Variants in POTEG observed in about 807,000 individuals in gnomAD.
The protein encoded by POTEG is ANKRD26-like family C member 2.
A neutral mutation model predicts 49.6 loss-of-function variants in POTEG; 2 were observed. The observed-to-expected ratio is 0.04, with a 90% CI of 0.02 to 0.13. The LOEUF is 0.13. Ranked by LOEUF, POTEG falls within the 10% of genes least tolerant of loss-of-function variation. The probability of loss-of-function intolerance (pLI) is 1.00; values close to 1 mark genes in which losing one functional copy is unlikely to be tolerated. For missense variants in POTEG, 26 were observed against 545.2 expected, an observed-to-expected ratio of 0.05 and a Z score of 9.48; for synonymous variants, 7 against 186.6, an observed-to-expected ratio of 0.04 and a Z score of 7.84.
intron 8 of POTEG, among the ~76,000 whole-genome samples, chr14:19,414,301 T>G (rs1254116325): frequency 6.9e-6 from 1 of 144,888 alleles, no homozygotes; most frequent in African/African-American, 2.5e-5. Context: ...ATAAAATTAT[T>G]GATCCAAAGC....
chr14:19,415,430 G>GT (rs1449460536), intron 7 of POTEG, among the ~76,000 whole-genome samples: 1 of 145,430 alleles, frequency 6.9e-6, no homozygotes, highest in Non-Finnish European at 1.6e-5. Flanking sequence ...CACAACCTTA[G>GT]TATCAGTGAC....
At chr14:19,419,728 G>A (rs1883677609) in intron 6 of POTEG, among the ~76,000 whole-genome samples, 1 of 104,386 alleles carries the variant, frequency 9.6e-6, no homozygotes, top group Non-Finnish European at 1.9e-5. Flanking sequence ...GCCCTTGCAT[G>A]CTTCTAAGTT....
intron 9 of POTEG, among the ~76,000 whole-genome samples, chr14:19,406,636 G>A (rs1883301639): frequency 2.1e-5 from 3 of 141,856 alleles, no homozygotes; most frequent in East Asian, 2.1e-4. Context: ...ATAATCATCA[G>A]AGTAAACCAA....
At chr14:19,419,852 C>G (rs1376177258) in intron 6 of POTEG, among the ~76,000 whole-genome samples, 1 of 130,462 alleles carries the variant, frequency 7.7e-6, no homozygotes, top group African/African-American at 3.2e-5. Context: ...CTGTTTTAGC[C>G]ACCGCTCATC....
At chr14:19,414,968 G>T (rs1883493673) in intron 7 of POTEG, among the ~76,000 whole-genome samples, 3 of 139,990 alleles carry the variant, frequency 2.1e-5, no homozygotes. Flanking sequence ...ATCATTTGTA[G>T]TGTTGCAAAA....
chr14:19,432,466 A>G (rs1419447364), intron 1 of POTEG, among the ~76,000 whole-genome samples: 3 of 120,298 alleles, frequency 2.5e-5, no homozygotes, highest in East Asian at 2.3e-4. Context: ...ATACATATAT[A>G]CATATATATA....
At chr14:19,407,210 TAAAG>T (rs1883326664) in intron 9 of POTEG, among the ~76,000 whole-genome samples, 1 of 148,554 alleles carries the variant, frequency 6.7e-6, no homozygotes, top group Non-Finnish European at 1.5e-5. Context: ...ATGAATGGAA[TAAAG>T]AAAATGGAGA....
At chr14:19,432,311 G>A (rs1444881432) in intron 1 of POTEG, among the ~76,000 whole-genome samples, 4 of 79,646 alleles carry the variant, frequency 5.0e-5, no homozygotes, top group African/African-American at 2.0e-4. Flanking sequence ...TCGCACCACT[G>A]CACTCCAGCC....
chr14:19,415,021 A>G (rs1329881089), intron 7 of POTEG, among the ~76,000 whole-genome samples: 1 of 144,600 alleles, frequency 6.9e-6, no homozygotes, highest in Non-Finnish European at 1.6e-5. Flanking sequence ...AACCCTAACT[A>G]GTGAGCCCCC....
At chr14:19,415,488 T>G (rs1208165631) in intron 7 of POTEG, among the ~76,000 whole-genome samples, 1 of 147,672 alleles carries the variant, frequency 6.8e-6, no homozygotes, top group East Asian at 1.9e-4. Context: ...TGATTACTCT[T>G]TAACCATGAA....
chr14:19,430,703 A>G (rs1202879595), intron 1 of POTEG, among the ~76,000 whole-genome samples: 10 of 126,756 alleles, frequency 7.9e-5, no homozygotes, highest in African/African-American at 2.5e-4. Context: ...AAAACAATGG[A>G]TGAACACAGC....
intron 6 of POTEG, chr14:19,421,004 GT>G (rs1883741336): frequency 7.3e-6 from 1 of 136,258 alleles, no homozygotes; most frequent in African/African-American, 2.7e-5. Context: ...GTGCTTCAGT[GT>G]TCTTTTGTGA....
At chr14:19,415,228 T>A (rs1883506365) in intron 7 of POTEG, among the ~76,000 whole-genome samples, 1 of 142,878 alleles carries the variant, frequency 7.0e-6, no homozygotes, top group Admixed American at 7.0e-5. Context: ...TTCTAATATG[T>A]ACTAATGACA....
chr14:19,414,437 AT>A (rs1883466819), intron 8 of POTEG, 124 bp downstream of exon 8: 1 of 769,732 alleles, frequency 1.3e-6, no homozygotes, highest in African/African-American at 1.8e-5. Flanking sequence ...TAAGTATTAA[AT>A]TTTTCACTGA....
intron 8 of POTEG, among the ~76,000 whole-genome samples, chr14:19,414,227 C>A (rs1883457795): frequency 7.3e-6 from 1 of 136,482 alleles, no homozygotes; most frequent in Non-Finnish European, 1.6e-5. Flanking sequence ...GGAAAATACA[C>A]AGAATAAAAA....
At chr14:19,432,391 TA>T (rs1566383213) in intron 1 of POTEG, among the ~76,000 whole-genome samples, 1 of 92,418 alleles carries the variant, frequency 1.1e-5, no homozygotes, top group Non-Finnish European at 2.4e-5. Context: ...TATATATATA[TA>T]TATATATATA....
rs1473898846 is a variant in POTEG at position 19,414,499 on chromosome 14, CT to C, written c.1242+62del. ...ATCACGTATGCCTACACTTACTACACTTTGTTAAACAACATAATGTAAAAAT... is the reference window on the plus strand; with the variant it reads ...ATCACGTATGCCTACACTTACTACACTTGTTAAACAACATAATGTAAAAAT... On this transcript the variant is annotated intron_variant, in intron 8 of 10. Coordinates refer to ENST00000547848, the MANE Select transcript of POTEG (RefSeq NM_001005356.3). The C allele has an allele frequency of 3.8e-6, 6 of 1,577,368 alleles. No homozygotes were observed. The East Asian group carries it at 1.4e-4, about 37-fold the overall frequency.
chr14:19,430,932 C>T (rs1884111703), intron 1 of POTEG, among the ~76,000 whole-genome samples: 1 of 149,256 alleles, frequency 6.7e-6, no homozygotes, highest in South Asian at 2.1e-4. Flanking sequence ...TAAACACAAT[C>T]CCTCTACTTC....
chr14:19,430,612 GA>G (rs1884097146), intron 1 of POTEG, among the ~76,000 whole-genome samples: 1 of 120,920 alleles, frequency 8.3e-6, no homozygotes, highest in Admixed American at 8.3e-5. Context: ...TGTTTTCAAA[GA>G]TGGAAGGATC....
Sources: gnomAD v4.1 joint callset for allele counts (sites outside exome capture counted in the v4.1 genomes callset) on GRCh38, gnomAD v4.1.1 for gene constraint, MANE v1.5 for transcripts, NCBI Gene and HGNC (gene_info 2026-07-23, HGNC 2026-07-21) for gene names.